AZIN2: variants seen among roughly 807,000 people sequenced by gnomAD.
AZIN2 encodes the protein ODC antizyme inhibitor-2.
AZIN2 carries 28 observed loss-of-function variants against 47.8 expected under a neutral mutation model. The ratio of observed to expected loss-of-function variants is 0.59; its 90% confidence interval spans 0.43 to 0.80. AZIN2 has a LOEUF of 0.80. Ranked by LOEUF, AZIN2 falls within the 30% of genes least tolerant of loss-of-function variation. AZIN2 has a pLI of 0.00. For synonymous variants in AZIN2, 221 were observed against 239.4 expected, an observed-to-expected ratio of 0.92 and a Z score of 0.71; for missense variants, 535 against 582.5, an observed-to-expected ratio of 0.92 and a Z score of 0.84.
chr1:33,119,796 A>AT (rs1272087989), intron 11 of AZIN2: 1 of 571,560 alleles, frequency 1.7e-6, no homozygotes, highest in African/African-American at 1.9e-5. Context: ...AGATAATATA[A>AT]GTGCCTGGCA....
At chr1:33,157,605 T>C in the AZIN2 span, among the ~76,000 whole-genome samples, 1 of 152,180 alleles carries the variant, frequency 6.6e-6, no homozygotes, top group Non-Finnish European at 1.5e-5. Flanking sequence ...TTTGCCTGTT[T>C]TGCTTACTAT....
rs527804428 is a variant in AZIN2, at chr1:33,094,343, A to G, written c.588-205A>G. On this transcript the variant is annotated intron_variant, in intron 7 of 11. Transcript: ENST00000294517. ...AGGGATGGGAGGAGCACCAAGTGCC[A>G]GGAGCCCTTGGATCAAGCCTCCTGT... Among the ~76,000 whole-genome samples, 22 of 152,372 alleles carry G rather than the reference A, an allele frequency of 1.4e-4. No homozygotes were observed. In the East Asian group the frequency reaches 3.3e-3, roughly 23 times the overall value.
the AZIN2 span, chr1:33,159,618 A>C: frequency 2.6e-6 from 4 of 1,525,404 alleles, no homozygotes; most frequent in Non-Finnish European, 2.6e-6. The surrounding 1 kb of genome is among the most constrained non-coding windows in gnomAD (Gnocchi z 4.2). Context: ...ATCTGCCTCC[A>C]CTCCCACTGC....
chr1:33,141,900 A>T, the AZIN2 span: 1 of 155,140 alleles, frequency 6.4e-6, no homozygotes, highest in East Asian at 1.7e-4. Flanking sequence ...TTTCATCAAG[A>T]TAGAAAATAA....
intron 10 of AZIN2, 147 bp from the exon 11 acceptor site, chr1:33,117,755 G>A (rs2124667524): frequency 1.1e-6 from 1 of 875,496 alleles, no homozygotes; most frequent in East Asian, 2.4e-5. Flanking sequence ...ATGCAGAGAA[G>A]TGGGAAGGGC....
At chr1:33,128,640 C>T in the AZIN2 span, among the ~76,000 whole-genome samples, 1 of 152,274 alleles carries the variant, frequency 6.6e-6, no homozygotes, top group South Asian at 2.1e-4. Flanking sequence ...TTTAAAGCAT[C>T]AGATGTATTT....
chr1:33,159,680 G>C, the AZIN2 span: 1 of 1,601,794 alleles, frequency 6.2e-7, no homozygotes, highest in Admixed American at 1.7e-5. This position sits in a 1 kb window ranked among gnomAD's most constrained non-coding sequence, Gnocchi z 4.2. Context: ...CCGGCGGGTG[G>C]CACTTACCGC....
the AZIN2 span, among the ~76,000 whole-genome samples, chr1:33,162,505 A>G: frequency 6.6e-6 from 1 of 152,134 alleles, no homozygotes; most frequent in Admixed American, 6.5e-5. Context: ...TAGGAATGAC[A>G]TCTCCCTCGG....
At chr1:33,107,862 G>C (rs1289987581) in intron 10 of AZIN2, among the ~76,000 whole-genome samples, 4 of 152,104 alleles carry the variant, frequency 2.6e-5, no homozygotes, top group African/African-American at 9.7e-5. Flanking sequence ...CCATGTTTGT[G>C]AATTGGAAGA....
At chr1:33,092,927 C>T (rs1029004790) in intron 6 of AZIN2, among the ~76,000 whole-genome samples, 3 of 152,166 alleles carry the variant, frequency 2.0e-5, no homozygotes, top group African/African-American at 7.2e-5. Flanking sequence ...AAGCAGCTTC[C>T]ATCGTATTAA....
chr1:33,148,985 C>G, the AZIN2 span, among the ~76,000 whole-genome samples: 1 of 152,186 alleles, frequency 6.6e-6, no homozygotes, highest in African/African-American at 2.4e-5. Context: ...CCCCCTACCC[C>G]ACTTAGGTCC....
the AZIN2 span, among the ~76,000 whole-genome samples, chr1:33,143,743 C>T: frequency 6.6e-6 from 1 of 152,240 alleles, no homozygotes; most frequent in Non-Finnish European, 1.5e-5. Flanking sequence ...AATGACTTAA[C>T]AGAAAGCCAA....
At position 33,093,190 on chromosome 1, in the gene AZIN2, G is replaced by A. The variant is rs1642762553; in HGVS notation, c.453-92G>A. On this transcript the variant is annotated intron_variant, in intron 6 of 11. Coordinates refer to ENST00000294517, the MANE Select transcript of AZIN2 (RefSeq NM_052998.4). ...GGAGCCTGTGGGGTTGGGTGGCTCTGAGCCATGTAGCTCACAGCCCTTGAT... is the reference window on the plus strand; with the variant it reads ...GGAGCCTGTGGGGTTGGGTGGCTCTAAGCCATGTAGCTCACAGCCCTTGAT... 2.6e-6 allele frequency: 4 copies of A among 1,562,284 alleles called. No homozygotes were observed. In the Admixed American group the frequency reaches 7.1e-5, roughly 28 times the overall value.
Position 33,113,574 on chromosome 1 carries a change from A to G in AZIN2, c.1030-4328A>G, listed in dbSNP as rs535811907. Among the ~76,000 whole-genome samples the G allele has an allele frequency of 6.9e-4, 105 of 152,196 alleles. No individual in the cohort carries two copies. The highest frequency in any genetic ancestry group is 2.4e-3 in the African/African-American group (98 of 41,522). On this transcript the variant is annotated intron_variant, in intron 10 of 11. Transcript: ENST00000294517. This position sits in a 1 kb window ranked among gnomAD's most constrained non-coding sequence, Gnocchi z 4.1. ...ATAGCTATTGCTAGCATTTCTCATC[A>G]TATATAAAATGGGAATGATGACAGA...
At position 33,093,307 on chromosome 1, in the gene AZIN2, G is replaced by A. The variant is rs768796429; in HGVS notation, c.478G>A (p.Asp160Asn). 2 of 1,614,046 alleles carry A rather than the reference G, an allele frequency of 1.2e-6. No individual in the cohort carries two copies. Among genetic ancestry groups the A allele is most frequent in the Admixed American group, 1.7e-5 (1 of 60,002 alleles). Reference protein sequence around the residue: ...AKMVLCIATDDSHSLSCLSLK... With the variant: ...AKMVLCIATDNSHSLSCLSLK... ...GATGGTTCTGTGCATTGCTACCGAT[G>A]ACTCCCACTCCCTGAGCTGCCTGAG... Residue 160 changes from aspartate to asparagine, a missense_variant, in exon 7 of 12, where the codon GAC (aspartate) becomes AAC (asparagine). Physicochemically the swap from Asp to Asn is conservative, Grantham distance 23. Around this residue, in one of 3 missense-constraint regions of AZIN2, gnomAD observed 409 missense variants for 429.0 expected, o/e 0.95. Transcript: ENST00000294517.
At chr1:33,137,942 G>A in the AZIN2 span, among the ~76,000 whole-genome samples, 1 of 152,194 alleles carries the variant, frequency 6.6e-6, no homozygotes, top group Non-Finnish European at 1.5e-5. Context: ...CAGCAGAGCC[G>A]AGGAGCTGAG....
chr1:33,160,631 C>A, the AZIN2 span, among the ~76,000 whole-genome samples: 9 of 152,200 alleles, frequency 5.9e-5, no homozygotes, highest in South Asian at 1.9e-3. Flanking sequence ...TCTCAAACAC[C>A]TGACGTTAGG....
At chr1:33,109,739 TC>T (rs1644203217) in intron 10 of AZIN2, among the ~76,000 whole-genome samples, 1 of 152,164 alleles carries the variant, frequency 6.6e-6, no homozygotes, top group African/African-American at 2.4e-5. Context: ...CTTTTTTTTT[TC>T]TGTAGTGCTT....
At chr1:33,089,360 G>A (rs1642271561) in intron 5 of AZIN2, among the ~76,000 whole-genome samples, 1 of 152,198 alleles carries the variant, frequency 6.6e-6, no homozygotes, top group African/African-American at 2.4e-5. Flanking sequence ...CACTCTGGGA[G>A]GCCAAGGCAG....
Sources: allele counts gnomAD v4.1 joint callset (sites outside exome capture counted in the v4.1 genomes callset), GRCh38; gene constraint gnomAD v4.1.1; regional missense constraint gnomAD v4.1.1; non-coding constraint Gnocchi (gnomAD v3.1); transcripts MANE v1.5; gene names NCBI Gene and HGNC (gene_info 2026-07-23, HGNC 2026-07-21).